HCRTR1: variants seen among roughly 807,000 people sequenced by gnomAD.
The protein encoded by HCRTR1 is orexin/Hypocretin receptor type 1.
A neutral mutation model predicts 40.6 loss-of-function variants in HCRTR1; 28 were observed. The ratio of observed to expected loss-of-function variants is 0.69; its 90% CI spans 0.51 to 0.95. HCRTR1 has a LOEUF of 0.95. HCRTR1 is among the 40% of genes least tolerant of loss of function. HCRTR1 has a pLI of 0.00. For synonymous variants in HCRTR1, 209 were observed against 230.0 expected, an observed-to-expected ratio of 0.91 and a Z score of 0.83; for missense variants, 482 against 564.7, an observed-to-expected ratio of 0.85 and a Z score of 1.48.
At position 31,625,540 on chromosome 1, in the gene HCRTR1, G is replaced by A. The variant is rs1396451933; in HGVS notation, c.1087+422G>A. Among the ~76,000 whole-genome samples, 1 of 152,212 alleles carries A rather than the reference G, an allele frequency of 6.6e-6. No homozygotes were observed. Among genetic ancestry groups the A allele is most frequent in the Non-Finnish European group, 1.5e-5 (1 of 68,026 alleles). ...AGGATTGCACAGTCCAGGTGTCAGG[G>A]CTAAAGTAGGGTCACTCTGAGAGAC... On this transcript the variant is annotated intron_variant, in intron 8 of 8. Coordinates refer to ENST00000403528, the MANE Select transcript of HCRTR1 (RefSeq NM_001525.3). This position sits in a 1 kb window ranked among gnomAD's most constrained non-coding sequence, Gnocchi z 4.2.
chr1:31,631,311 C>T (rs1006509756), downstream of HCRTR1, among the ~76,000 whole-genome samples: 3 of 152,198 alleles, frequency 2.0e-5, no homozygotes, highest in Non-Finnish European at 4.4e-5. Flanking sequence ...GGGGATAATA[C>T]TTAACTTGTA....
intron 7 of HCRTR1, among the ~76,000 whole-genome samples, chr1:31,624,119 A>T (rs1379409680): frequency 6.6e-6 from 1 of 152,176 alleles, no homozygotes; most frequent in Non-Finnish European, 1.5e-5. Context: ...AGTGACAATG[A>T]TAAGGGTTGG....
intron 7 of HCRTR1, among the ~76,000 whole-genome samples, chr1:31,624,185 G>A (rs1395722124): frequency 6.6e-6 from 1 of 152,176 alleles, no homozygotes; most frequent in African/African-American, 2.4e-5. Context: ...GGGGCCGGGT[G>A]CAGTGGCTCA....
In HCRTR1 at chr1:31,627,541, A is replaced by G; in HGVS notation, c.*561A>G. 2.6e-6 allele frequency: 1 copy of G among 378,780 alleles called. No individual in the cohort carries two copies. Among genetic ancestry groups the G allele is most frequent in the Non-Finnish European group, 5.1e-6 (1 of 197,046 alleles). 23.5% of individuals were successfully genotyped at this position (378,780 alleles called of 1,614,324 possible). A position where few individuals can be genotyped will look rare whatever the true frequency, so the allele number is the denominator to read the frequency against. ...ACCTTGTTGGCTTTGTGGTGTGATA[A>G]AACACTCTCCATGGCCACTTGGCAG... On this transcript the variant is annotated 3_prime_UTR_variant, in exon 9 of 9. Coordinates refer to ENST00000403528, the MANE Select transcript of HCRTR1 (RefSeq NM_001525.3).
downstream of HCRTR1, among the ~76,000 whole-genome samples, chr1:31,628,684 C>T (rs545116725): frequency 1.2e-4 from 19 of 152,356 alleles, no homozygotes; most frequent in African/African-American, 2.9e-4. Context: ...AATGGCTGCA[C>T]GCTCTGCTGG....
rs752499424 is a variant in HCRTR1 at position 31,625,012 on chromosome 1, C to T, written c.981C>T (p.Phe327=). Residue 327 remains phenylalanine (F), a synonymous_variant, in exon 8 of 9, where the codon TTC becomes TTT. Transcript: ENST00000403528. This position sits in a 1 kb window ranked among gnomAD's most constrained non-coding sequence, Gnocchi z 4.2. ...CTGGGCCTAGGGTGTTCGGGATGTT[C>T]CGCCAAGCCAGTGACCGCGAAGCTG... ...LNVLKRVFGM[F]RQASDREAVY... 4.4e-6 allele frequency: 7 copies of T among 1,607,654 alleles called. No homozygotes were observed. Among genetic ancestry groups the T allele is most frequent in the Non-Finnish European group, 6.0e-6 (7 of 1,175,508 alleles).
intron 7 of HCRTR1, 80 bp from the exon 8 acceptor site, chr1:31,624,917 T>C (rs537268691): frequency 2.1e-6 from 3 of 1,436,422 alleles, no homozygotes; most frequent in Middle Eastern, 2.2e-4. Context: ...ACTTTACAGC[T>C]CAGGTTCTGT....
At chr1:31,621,616 C>G (rs774247967) in intron 6 of HCRTR1, 24 bp downstream of exon 6, 1 of 1,514,940 alleles carries the variant, frequency 6.6e-7, no homozygotes, top group South Asian at 1.1e-5. Flanking sequence ...TGGGCAGGGG[C>G]TAGGCCAGTC....
downstream of HCRTR1, chr1:31,632,401 C>T (rs537267100): frequency 7.6e-6 from 12 of 1,588,436 alleles, no homozygotes; most frequent in African/African-American, 5.4e-5. Context: ...GGTGGACATT[C>T]GGTAACAAGA....
downstream of HCRTR1, chr1:31,630,429 C>A: frequency 1.5e-6 from 1 of 651,140 alleles, no homozygotes; most frequent in Non-Finnish European, 2.6e-6. Flanking sequence ...GGCCTCAGCC[C>A]CGGTCCTCAC....
At chr1:31,633,459 T>C (rs886725182), downstream of HCRTR1, 18 of 886,600 alleles carry the variant, frequency 2.0e-5, no homozygotes, top group Admixed American at 9.0e-5. Flanking sequence ...CTTACTCTGA[T>C]GGAAGAGGAC....
chr1:31,618,424 C>T (rs893377465), intron 1 of HCRTR1, among the ~76,000 whole-genome samples: 1 of 152,156 alleles, frequency 6.6e-6, no homozygotes, highest in South Asian at 2.1e-4. Flanking sequence ...GCACCACCCC[C>T]ACTGTGTGTG....
intron 6 of HCRTR1, among the ~76,000 whole-genome samples, chr1:31,623,258 T>C (rs1224237028): frequency 1.4e-5 from 2 of 147,832 alleles, no homozygotes; most frequent in Non-Finnish European, 3.0e-5. Context: ...ATTGCACCAT[T>C]GCACTCCAGC....
In HCRTR1 at chr1:31,623,660, A is replaced by C; in HGVS notation, c.876A>C (p.Ala292=). The C allele has an allele frequency of 6.2e-7, 1 of 1,614,094 alleles. No individual in the cohort carries two copies. Among genetic ancestry groups the C allele is most frequent in the Non-Finnish European group, 8.5e-7 (1 of 1,180,046 alleles). Residue 292 remains alanine (A), a synonymous_variant, in exon 7 of 9, where the codon GCA becomes GCC. Coordinates refer to ENST00000403528, the MANE Select transcript of HCRTR1 (RefSeq NM_001525.3). ...AFLAEVKQMR[A]RRKTAKMLMV... ...TGGCTGAAGTGAAGCAGATGCGTGC[A>C]CGGAGGAAGACAGCCAAGATGCTGA...
chr1:31,619,089 G>A lies in HCRTR1; in HGVS notation c.-104G>A. The A allele has an allele frequency of 2.2e-6, 2 of 919,340 alleles. No individual in the cohort carries two copies. The highest frequency in any genetic ancestry group is 3.2e-6 in the Non-Finnish European group (2 of 618,060). 56.9% of individuals were successfully genotyped at this position (919,340 alleles called of 1,614,324 possible). A position where few individuals can be genotyped will look rare whatever the true frequency, so the allele number is the denominator to read the frequency against. On this transcript the variant is annotated 5_prime_UTR_variant, in exon 3 of 9. Transcript: ENST00000403528. ...GAGACCCGAAAAGACCTGGGTGCAA[G>A]CCTCCAGGCACCCTGAAGGGAGTGG...
chr1:31,634,455 A>G (rs1640202521), downstream of HCRTR1, among the ~76,000 whole-genome samples: 1 of 152,206 alleles, frequency 6.6e-6, no homozygotes, highest in African/African-American at 2.4e-5. Context: ...ATTAAATGAG[A>G]TAACAGCAAA....
At chr1:31,632,211 G>A (rs1307455548), downstream of HCRTR1, 10 of 616,022 alleles carry the variant, frequency 1.6e-5, no homozygotes, top group Non-Finnish European at 2.3e-5. Flanking sequence ...TCCTTAAGGT[G>A]CCAAGTTTCC....
intron 4 of HCRTR1, among the ~76,000 whole-genome samples, chr1:31,620,091 G>A (rs567618504): frequency 6.6e-6 from 1 of 152,352 alleles, no homozygotes; most frequent in African/African-American, 2.4e-5. Flanking sequence ...GGGGCCTGAT[G>A]GAAACAGCCG....
chr1:31,627,209 CATG>C lies in HCRTR1; in HGVS notation c.*232_*234del. The C allele has an allele frequency of 6.7e-7, 1 of 1,495,578 alleles. No homozygotes were observed. The highest frequency in any genetic ancestry group is 8.9e-7 in the Non-Finnish European group (1 of 1,120,790). The allele number at this position is 1,495,578 out of a possible 1,614,324, so 92.6% of individuals were successfully genotyped here. On this transcript the variant is annotated 3_prime_UTR_variant, in exon 9 of 9. Coordinates refer to ENST00000403528, the MANE Select transcript of HCRTR1 (RefSeq NM_001525.3). Reference sequence around the variant, plus strand: ...CTTGTAAACTGTGAAGTGTTGTGGACATGATTATTGTTGTACTTCTCTCATTTG... The same window carrying C: ...CTTGTAAACTGTGAAGTGTTGTGGACATTATTGTTGTACTTCTCTCATTTG...
Sources: allele counts gnomAD v4.1 joint callset (sites outside exome capture counted in the v4.1 genomes callset), GRCh38; gene constraint gnomAD v4.1.1; non-coding constraint Gnocchi (gnomAD v3.1); transcripts MANE v1.5; gene names NCBI Gene and HGNC (gene_info 2026-07-23, HGNC 2026-07-21).